The following CDK14 variants were observed in gnomAD, a reference collection of about 807,000 sequenced individuals.
CDK14 encodes cyclin dependent kinase 14.
Under a neutral mutation model 60.7 loss-of-function variants are expected in CDK14, and 34 were observed. That is an observed-to-expected ratio of 0.56 (90% confidence interval 0.43 to 0.75). The LOEUF is 0.75. Among genes scored for constraint, CDK14 ranks in the 30% least tolerant of loss-of-function variants. CDK14 has a pLI of 0.00. For missense variants in CDK14, 482 were observed against 564.1 expected (o/e 0.85, Z 1.47); for synonymous variants, 197 against 203.7 (o/e 0.97, Z 0.28).
intron 6 of CDK14, among the ~76,000 whole-genome samples, chr7:90,875,855 TTTA>T (rs1346399236): frequency 6.6e-6 from 1 of 152,076 alleles, no homozygotes; most frequent in Non-Finnish European, 1.5e-5. Context: ...AAATTTAAAT[TTTA>T]TTATTAATTT....
In CDK14 at chr7:91,124,439, T is replaced by G. The variant is rs1258880765; in HGVS notation, c.*28+6231T>G. 7.9e-5 allele frequency among the ~76,000 whole-genome samples: 12 copies of G among 152,128 alleles called. 1 individual carries two copies. Among genetic ancestry groups the G allele is most frequent in the Admixed American group, 7.9e-4 (12 of 15,248 alleles). On this transcript the variant is annotated intron_variant, in intron 14 of 14. Coordinates refer to ENST00000380050, the MANE Select transcript of CDK14 (RefSeq NM_001287135.2). ...TATCTTTAAATATTTAACTGTGTTT[T>G]TCTTAAAAACAAATAATTTAGAGTG... is the stretch of plus-strand genomic sequence containing the variant.
At chr7:90,654,641 G>GT (rs1800715202) in intron 2 of CDK14, among the ~76,000 whole-genome samples, 1 of 152,112 alleles carries the variant, frequency 6.6e-6, no homozygotes, top group Non-Finnish European at 1.5e-5. Context: ...AGGCCTGTCA[G>GT]TTTTTTAAAA....
Position 90,908,567 on chromosome 7 carries a change from TC to T in CDK14, c.703-9033del, listed in dbSNP as rs567109445. Among the ~76,000 whole-genome samples the T allele has an allele frequency of 1.2e-4, 19 of 152,278 alleles. No individual in the cohort carries two copies. The South Asian group carries it at 3.9e-3, about 32-fold the overall frequency. On this transcript the variant is annotated intron_variant, in intron 7 of 14. Transcript: ENST00000380050. ...TGGGCTTTACACTCGTCACCTTGCC[TC>T]TCTCCAGTTTAAGATGGATCTGCAC...
At chr7:90,964,115 T>C (rs372666358) in intron 9 of CDK14, among the ~76,000 whole-genome samples, 6 of 152,212 alleles carry the variant, frequency 3.9e-5, no homozygotes, top group African/African-American at 7.2e-5. Context: ...CAGTCTGACA[T>C]TGGGCAGGCA....
chr7:91,126,753 C>T (rs1316504624), intron 14 of CDK14, among the ~76,000 whole-genome samples: 1 of 152,174 alleles, frequency 6.6e-6, no homozygotes, highest in African/African-American at 2.4e-5. Flanking sequence ...TTTCAGCTGC[C>T]TCAGAGACTT....
intron 2 of CDK14, among the ~76,000 whole-genome samples, chr7:90,609,893 A>C (rs1799500090): frequency 6.6e-6 from 1 of 152,164 alleles, no homozygotes; most frequent in South Asian, 2.1e-4. Context: ...CATATGGATG[A>C]TGTATACGCT....
intron 14 of CDK14, among the ~76,000 whole-genome samples, chr7:91,133,085 T>C (rs1435546568): frequency 1.3e-5 from 2 of 152,102 alleles, no homozygotes; most frequent in African/African-American, 4.8e-5. Context: ...ATGCAAAAAA[T>C]GGAAAAGCGA....
chr7:90,905,449 A>C (rs1451598697), intron 7 of CDK14, among the ~76,000 whole-genome samples: 1 of 152,190 alleles, frequency 6.6e-6, no homozygotes, highest in African/African-American at 2.4e-5. Context: ...TTCATAGTAA[A>C]CTTTATAGCT....
intron 10 of CDK14, among the ~76,000 whole-genome samples, chr7:91,003,266 A>C (rs1267319449): frequency 6.6e-6 from 1 of 152,072 alleles, no homozygotes; most frequent in Non-Finnish European, 1.5e-5. Flanking sequence ...TAGTTGTAAA[A>C]TAGATATTGA....
intron 14 of CDK14, among the ~76,000 whole-genome samples, chr7:91,147,336 AAGTC>A (rs1800685451): frequency 6.6e-6 from 1 of 152,072 alleles, no homozygotes; most frequent in African/African-American, 2.4e-5. Flanking sequence ...ATTAGAAAGA[AAGTC>A]CAACTAATGC....
At chr7:91,142,773 A>G (rs1428994594) in intron 14 of CDK14, among the ~76,000 whole-genome samples, 1 of 152,228 alleles carries the variant, frequency 6.6e-6, no homozygotes, top group Non-Finnish European at 1.5e-5. Context: ...TTTCAGGGGA[A>G]CCAGGAACAA....
In CDK14 at chr7:91,153,321, G is replaced by A. The variant is rs770062736; in HGVS notation, c.*28+35113G>A. On this transcript the variant is annotated intron_variant, in intron 14 of 14. Coordinates refer to ENST00000380050, the MANE Select transcript of CDK14 (RefSeq NM_001287135.2). Reference sequence around the variant, plus strand: ...GTAAATTAGTTCCACCACTGTAGACGACAGTGTGGTGATTCCTCAAGGAGC... The same window carrying A: ...GTAAATTAGTTCCACCACTGTAGACAACAGTGTGGTGATTCCTCAAGGAGC... Among the ~76,000 whole-genome samples, 5 of 152,268 alleles carry A rather than the reference G, an allele frequency of 3.3e-5. No individual in the cohort carries two copies. In the South Asian group the frequency reaches 8.3e-4, roughly 25 times the overall value.
intron 14 of CDK14, among the ~76,000 whole-genome samples, chr7:91,162,216 C>T (rs969166285): frequency 6.6e-6 from 1 of 152,180 alleles, no homozygotes; most frequent in African/African-American, 2.4e-5. Context: ...AGGATTCTGA[C>T]AATTTTCCCT....
intron 4 of CDK14, among the ~76,000 whole-genome samples, chr7:90,777,522 T>C (rs1805099491): frequency 6.6e-6 from 1 of 152,190 alleles, no homozygotes; most frequent in Admixed American, 6.5e-5. Flanking sequence ...ATACAGATGC[T>C]AGGACTTTAC....
Position 91,132,352 on chromosome 7 carries a change from C to T in CDK14, c.*28+14144C>T, listed in dbSNP as rs191993545. Reference sequence around the variant, plus strand: ...AGCTGTGTCACAAAGTGCAGCATCTCTAGGGACTGATCTGATAGAGCTAAG... The same window carrying T: ...AGCTGTGTCACAAAGTGCAGCATCTTTAGGGACTGATCTGATAGAGCTAAG... On this transcript the variant is annotated intron_variant, in intron 14 of 14. Coordinates refer to ENST00000380050, the MANE Select transcript of CDK14 (RefSeq NM_001287135.2). Among the ~76,000 whole-genome samples the T allele has an allele frequency of 2.0e-5, 3 of 152,164 alleles. No homozygotes were observed. In the East Asian group the frequency reaches 5.8e-4, roughly 29 times the overall value.
chr7:90,917,644 AGC>A lies in CDK14; in HGVS notation c.748_749del (p.Arg250LeufsTer16). 1.2e-6 allele frequency: 2 copies of A among 1,613,706 alleles called. No individual in the cohort carries two copies. Among genetic ancestry groups the A allele is most frequent in the Non-Finnish European group, 1.7e-6 (2 of 1,179,696 alleles). On this transcript the variant is annotated frameshift_variant, in exon 8 of 15. Coordinates refer to ENST00000380050, the MANE Select transcript of CDK14 (RefSeq NM_001287135.2). LOFTEE classifies it high-confidence loss of function. ...CTGCGAGGTCTGTCTTACATCCACC[AGC>A]GTTATATTTTGCACAGAGACCTGAA... is the stretch of plus-strand genomic sequence containing the variant.
chr7:90,657,777 T>G (rs1055382262), intron 2 of CDK14, among the ~76,000 whole-genome samples: 1 of 152,164 alleles, frequency 6.6e-6, no homozygotes, highest in African/African-American at 2.4e-5. Flanking sequence ...AAATAAAAAT[T>G]TAATGGCCAT....
At chr7:91,135,778 A>C (rs1208980000) in intron 14 of CDK14, among the ~76,000 whole-genome samples, 2 of 152,144 alleles carry the variant, frequency 1.3e-5, no homozygotes, top group Non-Finnish European at 2.9e-5. Flanking sequence ...CCCCTTTGCC[A>C]GCACAAAAGA....
intron 10 of CDK14, among the ~76,000 whole-genome samples, chr7:91,025,039 G>C (rs1227441786): frequency 6.6e-6 from 1 of 152,084 alleles, no homozygotes; most frequent in Non-Finnish European, 1.5e-5. Context: ...AAGTCTTTTG[G>C]TGTTTGCTCA....
Sources: allele counts gnomAD v4.1 joint callset (sites outside exome capture counted in the v4.1 genomes callset), GRCh38; gene constraint gnomAD v4.1.1; transcripts MANE v1.5; gene names NCBI Gene and HGNC (gene_info 2026-07-23, HGNC 2026-07-21).